Variants in LCOR observed in about 807,000 individuals in gnomAD.
LCOR encodes ligand dependent nuclear receptor corepressor.
Under a neutral mutation model 64.4 loss-of-function variants are expected in LCOR, and 14 were observed. The observed-to-expected ratio is 0.22, with a 90% CI of 0.14 to 0.34. The LOEUF (loss-of-function observed/expected upper bound fraction) is 0.34, where lower values mean the gene tolerates loss of function less well. Among genes scored for constraint, LCOR ranks in the 10% least tolerant of loss-of-function variants. LCOR has a pLI of 1.00. For missense variants in LCOR, 1,686 were observed against 1,765.3 expected (o/e 0.96, Z 0.80); for synonymous variants, 643 against 642.5 (o/e 1.00, Z -0.01).
At chr10:96,916,643 C>G (rs892081816) in intron 4 of LCOR, among the ~76,000 whole-genome samples, 3 of 147,170 alleles carry the variant, frequency 2.0e-5, no homozygotes, top group Non-Finnish European at 4.4e-5. Flanking sequence ...GAGACGGAGT[C>G]TTGCTCTGTC....
intron 2 of LCOR, among the ~76,000 whole-genome samples, chr10:96,837,554 C>T (rs547039959): frequency 5.9e-5 from 9 of 152,280 alleles, no homozygotes; most frequent in African/African-American, 1.2e-4. Flanking sequence ...CGTGCCCGGC[C>T]GACAGATTCT....
rs1188309456 is a variant in LCOR at position 96,981,182 on chromosome 10, C to G, written c.722C>G (p.Thr241Ser). The G allele has an allele frequency of 6.9e-6, 5 of 725,694 alleles. No individual in the cohort carries two copies. Among genetic ancestry groups the G allele is most frequent in the Non-Finnish European group, 9.9e-6 (4 of 405,782 alleles). The allele number at this position is 725,694 out of a possible 1,614,324, so 45.0% of individuals were successfully genotyped here. The change falls in exon 8 of 8, where the codon ACT becomes AGT. Residue 241 changes from threonine (T) to serine (S), a missense_variant. By Grantham distance (58) the Thr-to-Ser change is moderately conservative. Around this residue, in one of 3 missense-constraint regions of LCOR, gnomAD observed 313 missense variants for 247.2 expected, o/e 1.27. Coordinates refer to ENST00000421806, the MANE Select transcript of LCOR (RefSeq NM_001346516.2). ...NPVDGRENALTVVQKDSSELP... is the reference protein window; with the variant it reads ...NPVDGRENALSVVQKDSSELP... ...GTAGATGGAAGAGAGAATGCCTTGA[C>G]TGTTGTCCAGAAAGATTCCTCTGAA...
chr10:96,884,009 CAT>C lies in LCOR; in HGVS notation c.-329-23253_-329-23252del, dbSNP rs1427735982. On this transcript the variant is annotated intron_variant, in intron 2 of 7. Coordinates refer to ENST00000421806, the MANE Select transcript of LCOR (RefSeq NM_001346516.2). ...TATGGTTATTACATATACCATATAA[CAT>C]ATTTCAAATGTTTATACTGTTAAAT... Among the ~76,000 whole-genome samples the C allele has an allele frequency of 9.2e-5, 14 of 151,908 alleles. 1 individual carries two copies. The highest frequency in any genetic ancestry group is 9.2e-4 in the Admixed American group (14 of 15,250).
At position 96,983,760 on chromosome 10, in the gene LCOR, A is replaced by G; in HGVS notation, c.3300A>G (p.Glu1100=). 6.2e-7 allele frequency: 1 copy of G among 1,614,204 alleles called. No homozygotes were observed. The highest frequency in any genetic ancestry group is 8.5e-7 in the Non-Finnish European group (1 of 1,180,032). ...TVVDEQPKFM[E]WCAEEENQEL... ...TAGATGAACAGCCAAAGTTTATGGA[A>G]TGGTGTGCTGAGGAGGAGAACCAAG... The change falls in exon 8 of 8, where the codon GAA becomes GAG. Residue 1100 remains glutamate, a synonymous_variant. Transcript: ENST00000421806. This position sits in a 1 kb window ranked among gnomAD's most constrained non-coding sequence, Gnocchi z 4.5.
chr10:96,926,913 C>T (rs1307846269), intron 4 of LCOR, among the ~76,000 whole-genome samples: 1 of 152,030 alleles, frequency 6.6e-6, no homozygotes, highest in Non-Finnish European at 1.5e-5. Context: ...GGATATGCTA[C>T]AGTTTGTTTA....
rs949226341 is a variant in LCOR at position 96,944,022 on chromosome 10, C to T, written c.-183-91C>T. On this transcript the variant is annotated intron_variant, in intron 4 of 7. Transcript: ENST00000421806. ...TTTTAATTGCATCAAATTAATTTGC[C>T]TTATTTGCTACTAACTTTGATTTCG... is the stretch of plus-strand genomic sequence containing the variant. The T allele has an allele frequency of 8.9e-6, 7 of 782,550 alleles. No homozygotes were observed. In the African/African-American group the frequency reaches 9.4e-5, roughly 10 times the overall value. The allele number at this position is 782,550 out of a possible 1,614,324, so 48.5% of individuals were successfully genotyped here. A position where few individuals can be genotyped will look rare whatever the true frequency, so the allele number is the denominator to read the frequency against.
chr10:96,906,910 A>C (rs1846739119), intron 2 of LCOR, among the ~76,000 whole-genome samples: 1 of 152,236 alleles, frequency 6.6e-6, no homozygotes, highest in Non-Finnish European at 1.5e-5. Context: ...GGAAATTTTG[A>C]AGCAGTTTTT....
chr10:96,985,039 A>G lies in LCOR; in HGVS notation c.4579A>G (p.Lys1527Glu). Reference protein sequence around the residue: ...SGKTRARPSTKTPESSAAQRK... With the variant: ...SGKTRARPSTETPESSAAQRK... ...AAAGACTCGGGCCAGACCCTCAACGAAAACCCCAGAGAGCAGTGCAGCTCA... is the reference window on the plus strand; with the variant it reads ...AAAGACTCGGGCCAGACCCTCAACGGAAACCCCAGAGAGCAGTGCAGCTCA... The change falls in exon 8 of 8, where the codon AAA (lysine) becomes GAA (glutamate). Residue 1527 changes from lysine to glutamate, a missense_variant. By Grantham distance (56) the Lys-to-Glu change is moderately conservative (BLOSUM62 1). Transcript: ENST00000421806. The G allele has an allele frequency of 6.2e-7, 1 of 1,614,232 alleles. No homozygotes were observed. The highest frequency in any genetic ancestry group is 1.1e-5 in the South Asian group (1 of 91,086).
intron 2 of LCOR, among the ~76,000 whole-genome samples, chr10:96,887,151 C>T (rs1846356997): frequency 6.6e-6 from 1 of 152,234 alleles, no homozygotes; most frequent in Non-Finnish European, 1.5e-5. Flanking sequence ...GGTAAAATTG[C>T]TCTGGTCCAC....
Position 96,949,135 on chromosome 10 carries a change from T to C in LCOR, c.78T>C (p.Asn26=), listed in dbSNP as rs1175455583. Residue 26 remains asparagine (N), a synonymous_variant, in exon 6 of 8, where the codon AAT becomes AAC. Coordinates refer to ENST00000421806, the MANE Select transcript of LCOR (RefSeq NM_001346516.2). ...CTACTCAGGACCCCAGCCAGCCCAATAGCACAAAGAACCAAAGCCTGCCGA... is the reference window on the plus strand; with the variant it reads ...CTACTCAGGACCCCAGCCAGCCCAACAGCACAAAGAACCAAAGCCTGCCGA... ...NSSTQDPSQP[N]STKNQSLPKA... is the part of the protein sequence containing the mutation. 3 of 1,613,772 alleles carry C rather than the reference T, an allele frequency of 1.9e-6. No homozygotes were observed. Among genetic ancestry groups the C allele is most frequent in the East Asian group, 2.2e-5 (1 of 44,874 alleles).
chr10:96,977,447 A>T (rs1011313947), intron 7 of LCOR, among the ~76,000 whole-genome samples: 1 of 152,240 alleles, frequency 6.6e-6, no homozygotes, highest in African/African-American at 2.4e-5. Flanking sequence ...AATAATAGCC[A>T]GACTTCAGTA....
chr10:96,885,621 C>G (rs1280979978), intron 2 of LCOR, among the ~76,000 whole-genome samples: 1 of 144,906 alleles, frequency 6.9e-6, no homozygotes, highest in African/African-American at 2.5e-5. Flanking sequence ...TGATCTCAAA[C>G]TCCTGGGCTC....
intron 7 of LCOR, chr10:96,962,107 G>A (rs759841229): frequency 2.6e-5 from 4 of 151,898 alleles, no homozygotes; most frequent in Admixed American, 6.6e-5. Flanking sequence ...ATAATATGGG[G>A]TCAGATCACA....
At chr10:96,893,573 G>A (rs1846482503) in intron 2 of LCOR, among the ~76,000 whole-genome samples, 1 of 151,982 alleles carries the variant, frequency 6.6e-6, no homozygotes, top group Non-Finnish European at 1.5e-5. Context: ...GACCAGCCTG[G>A]CCAATATGGC....
chr10:96,862,463 A>G (rs1388324396), intron 2 of LCOR, among the ~76,000 whole-genome samples: 2 of 152,068 alleles, frequency 1.3e-5, no homozygotes, highest in Non-Finnish European at 1.5e-5. Context: ...ATGGGGTTTC[A>G]CCATATTACC....
chr10:96,941,226 C>T, intron 4 of LCOR, among the ~76,000 whole-genome samples: 1 of 138,434 alleles, frequency 7.2e-6, no homozygotes, highest in African/African-American at 2.8e-5. Context: ...GGGCGGCTGG[C>T]CGGGCGGGGG....
intron 4 of LCOR, among the ~76,000 whole-genome samples, chr10:96,941,241 A>AC (rs1310892808): frequency 0.074 from 4,812 of 65,096 alleles, 93 homozygotes; most frequent in African/African-American, 0.15. Flanking sequence ...CGGGGGGCTG[A>AC]CCCCCCCACC....
intron 6 of LCOR, among the ~76,000 whole-genome samples, chr10:96,951,253 G>C (rs1847673439): frequency 6.6e-6 from 1 of 152,112 alleles, no homozygotes; most frequent in Non-Finnish European, 1.5e-5. Context: ...GGAAAAGAAA[G>C]TCTTCTAATT....
chr10:96,905,942 ATCT>A (rs576857464), intron 2 of LCOR, among the ~76,000 whole-genome samples: 97 of 152,286 alleles, frequency 6.4e-4, no homozygotes, highest in African/African-American at 2.1e-3. Flanking sequence ...TTACATTACC[ATCT>A]TCTTCTTCTT....
Sources: gnomAD v4.1 joint callset for allele counts (sites outside exome capture counted in the v4.1 genomes callset) on GRCh38, gnomAD v4.1.1 for gene constraint, gnomAD v4.1.1 regional missense constraint, Gnocchi (gnomAD v3.1) non-coding constraint, MANE v1.5 for transcripts, NCBI Gene and HGNC (gene_info 2026-07-23, HGNC 2026-07-21) for gene names.